The following ARID1B variants were observed in gnomAD, a reference collection of about 807,000 sequenced individuals.
ARID1B encodes the protein AT-rich interactive domain-containing protein 1B.
ARID1B carries 30 observed loss-of-function variants against 212.3 expected under a neutral mutation model. The ratio of observed to expected loss-of-function variants is 0.14; its 90% CI spans 0.11 to 0.19. The LOEUF is 0.19. Among genes scored for constraint, ARID1B ranks in the 10% least tolerant of loss-of-function variants. The probability of loss-of-function intolerance (pLI) is 1.00; values close to 1 mark genes in which losing one functional copy is unlikely to be tolerated. For synonymous variants in ARID1B, 1,402 were observed against 1,301.7 expected (o/e 1.08, Z -1.66); for missense variants, 2,891 against 3,204.0 (o/e 0.90, Z 2.36).
At chr6:157,127,019 T>C (rs1200207446) in intron 6 of ARID1B, among the ~76,000 whole-genome samples, 9 of 152,250 alleles carry the variant, frequency 5.9e-5, no homozygotes, top group East Asian at 1.9e-4. Flanking sequence ...AAAGTCTTAG[T>C]TGAAATCTGA....
At chr6:156,813,729 G>C (rs1583088753) in intron 1 of ARID1B, among the ~76,000 whole-genome samples, 2 of 152,296 alleles carry the variant, frequency 1.3e-5, no homozygotes, top group South Asian at 2.1e-4. Flanking sequence ...GTCACTTAAG[G>C]AGTGACCCTA....
At chr6:156,895,625 C>T (rs1306632728) in intron 2 of ARID1B, among the ~76,000 whole-genome samples, 1 of 152,038 alleles carries the variant, frequency 6.6e-6, no homozygotes, top group Admixed American at 6.6e-5. Context: ...GAGGCAAAAT[C>T]TTTATGGTAA....
Position 157,201,448 on chromosome 6 carries a change from A to G in ARID1B, c.5223A>G (p.Pro1741=), listed in dbSNP as rs371430687. The change falls in exon 18 of 20, where the codon CCA becomes CCG. Residue 1741 remains proline (P), a synonymous_variant. Transcript: ENST00000636930. The surrounding 1 kb of genome is among the most constrained non-coding windows in gnomAD (Gnocchi z 5.2). ...CTGGCTCAGTAGAAGCATCACAACC[A>G]GTCTTGAAACAAAGGCGAAAGATTA... The part of the protein sequence containing the change: ...FPPGSVEASQ[P]VLKQRRKITS... 21 of 1,524,064 alleles carry G rather than the reference A, an allele frequency of 1.4e-5. No individual in the cohort carries two copies. The African/African-American group carries it at 1.9e-4, about 14-fold the overall frequency. The allele number at this position is 1,524,064 out of a possible 1,614,324, so 94.4% of individuals were successfully genotyped here.
At chr6:157,177,011 T>C (rs1356671757) in intron 11 of ARID1B, among the ~76,000 whole-genome samples, 1 of 152,250 alleles carries the variant, frequency 6.6e-6, no homozygotes, top group Non-Finnish European at 1.5e-5. Context: ...CCATCCACTG[T>C]AGGAGACTTT....
intron 2 of ARID1B, among the ~76,000 whole-genome samples, chr6:156,840,548 A>G (rs1011020114): frequency 2.6e-5 from 4 of 152,212 alleles, no homozygotes; most frequent in South Asian, 2.1e-4. Flanking sequence ...GCTTGATGCA[A>G]AAATGTCTGT....
Position 156,915,058 on chromosome 6 carries a change from A to G in ARID1B, c.2136+13533A>G, listed in dbSNP as rs114347530. 1.9e-3 allele frequency among the ~76,000 whole-genome samples: 282 copies of G among 152,354 alleles called. 2 individuals carry two copies. The highest frequency in any genetic ancestry group is 6.4e-3 in the African/African-American group (264 of 41,572). On this transcript the variant is annotated intron_variant, in intron 3 of 19. Transcript: ENST00000636930. ...AAAATTGTTGATTTAATCATTCAAA[A>G]AATCTTTTTTATTTGCTGAAACATA...
At position 156,953,378 on chromosome 6, in the gene ARID1B, G is replaced by A. The variant is rs142019343; in HGVS notation, c.2247+17802G>A. On this transcript the variant is annotated intron_variant, in intron 4 of 19. Transcript: ENST00000636930. ...ATAGAGGTGGTTTTGCAAGTCCCTT[G>A]GAACATTCATGCAGGTCTGCAGTCA... Among the ~76,000 whole-genome samples the A allele has an allele frequency of 1.5e-4, 23 of 152,296 alleles. No individual in the cohort carries two copies. In the East Asian group the frequency reaches 4.4e-3, roughly 29 times the overall value.
intron 7 of ARID1B, among the ~76,000 whole-genome samples, chr6:157,137,339 C>T (rs1197476155): frequency 1.3e-5 from 2 of 152,116 alleles, no homozygotes; most frequent in African/African-American, 4.8e-5. Context: ...CACTTTGCCA[C>T]CTTCAAGCAA....
At chr6:157,090,458 G>A (rs1172426617) in intron 5 of ARID1B, among the ~76,000 whole-genome samples, 1 of 152,210 alleles carries the variant, frequency 6.6e-6, no homozygotes, top group African/African-American at 2.4e-5. Flanking sequence ...CTTTGATCTG[G>A]CAGCAGAAGG....
rs1163954152 is a variant in ARID1B, at chr6:157,174,158, GC to G, written c.3345+42del. The G allele has an allele frequency of 1.9e-6, 3 of 1,565,576 alleles. No homozygotes were observed. The South Asian group carries it at 3.3e-5, about 17-fold the overall frequency. On this transcript the variant is annotated intron_variant, in intron 10 of 19. Transcript: ENST00000636930. ...CTGCACGCGGTGTGAGGTCTGCCTA[GC>G]AAAAAGCTGCCATGTCGTTCTCTCT...
At chr6:157,156,002 G>A (rs904200543) in intron 8 of ARID1B, among the ~76,000 whole-genome samples, 1 of 152,138 alleles carries the variant, frequency 6.6e-6, no homozygotes, top group Admixed American at 6.5e-5. Context: ...CTTTTTCTGT[G>A]TTATTTTCCT....
chr6:156,900,571 T>C (rs1314788661), intron 2 of ARID1B, among the ~76,000 whole-genome samples: 1 of 152,186 alleles, frequency 6.6e-6, no homozygotes, highest in Non-Finnish European at 1.5e-5. Context: ...TGATATCTTG[T>C]TTTTCTTTTC....
In ARID1B at chr6:156,779,177, C is replaced by T. The variant is rs755682475; in HGVS notation, c.1497C>T (p.Thr499=). 7.4e-7 allele frequency: 1 copy of T among 1,342,952 alleles called. No homozygotes were observed. The allele number at this position is 1,342,952 out of a possible 1,614,324, so 83.2% of individuals were successfully genotyped here. Residue 499 remains threonine (T), a synonymous_variant, in exon 1 of 20, where the codon ACC becomes ACT. Transcript: ENST00000636930. ...AGQNQHPSGA[T]PTLNQLLTSP... ...AGAACCAGCACCCGTCGGGGGCCAC[C>T]CCGACCCTCAATCAGCTGCTCACCT... is the stretch of plus-strand genomic sequence containing the variant.
At chr6:157,187,107 T>A (rs1377353895) in intron 13 of ARID1B, among the ~76,000 whole-genome samples, 1 of 152,214 alleles carries the variant, frequency 6.6e-6, no homozygotes, top group Non-Finnish European at 1.5e-5. Context: ...TTTGTGTCTT[T>A]AAGGTGCCAG....
intron 6 of ARID1B, among the ~76,000 whole-genome samples, chr6:157,125,506 G>A (rs1183198512): frequency 6.6e-6 from 1 of 152,220 alleles, no homozygotes; most frequent in African/African-American, 2.4e-5. Context: ...ATCCACTTTG[G>A]ATGACACCCA....
intron 4 of ARID1B, among the ~76,000 whole-genome samples, chr6:156,946,891 C>T (rs1400762919): frequency 6.6e-6 from 1 of 152,182 alleles, no homozygotes; most frequent in Non-Finnish European, 1.5e-5. Context: ...GGAAGCAACT[C>T]ACTCATCTTT....
intron 5 of ARID1B, among the ~76,000 whole-genome samples, chr6:157,099,345 G>C (rs1785897891): frequency 6.6e-6 from 1 of 152,054 alleles, no homozygotes; most frequent in Non-Finnish European, 1.5e-5. Flanking sequence ...CTTGTCCTTT[G>C]CCTTGCCAGA....
At chr6:157,109,834 A>C in intron 5 of ARID1B, among the ~76,000 whole-genome samples, 1 of 152,342 alleles carries the variant, frequency 6.6e-6, no homozygotes, top group Middle Eastern at 3.4e-3. Flanking sequence ...TATTTGGAAA[A>C]GACAAACTGA....
intron 1 of ARID1B, among the ~76,000 whole-genome samples, chr6:156,786,947 T>C (rs557299910): frequency 1.0e-4 from 8 of 79,146 alleles, no homozygotes; most frequent in African/African-American, 3.1e-4. Flanking sequence ...TTTGGCCTGC[T>C]TTTTTTTTTT....
Sources: allele counts gnomAD v4.1 joint callset (sites outside exome capture counted in the v4.1 genomes callset), GRCh38; gene constraint gnomAD v4.1.1; non-coding constraint Gnocchi (gnomAD v3.1); transcripts MANE v1.5; gene names NCBI Gene and HGNC (gene_info 2026-07-23, HGNC 2026-07-21).